Variants in PEX5 observed in about 807,000 individuals in gnomAD.
The protein encoded by PEX5 is PTS1 receptor.
PEX5 carries 52 observed loss-of-function variants against 82.9 expected under a neutral mutation model. The observed-to-expected ratio is 0.63, with a 90% CI of 0.50 to 0.79. The LOEUF (loss-of-function observed/expected upper bound fraction) is 0.79, where lower values mean the gene tolerates loss of function less well. Among genes scored for constraint, PEX5 ranks in the 30% least tolerant of loss-of-function variants. The pLI is 0.00. For missense variants in PEX5, 719 were observed against 815.2 expected (o/e 0.88, Z 1.44); for synonymous variants, 300 against 318.8 (o/e 0.94, Z 0.63).
intron 12 of PEX5, 137 bp from the exon 13 acceptor site, chr12:7,208,314 TTTATTA>T: frequency 1.3e-6 from 1 of 755,406 alleles, no homozygotes. Flanking sequence ...GATCTGTAAC[TTTATTA>T]TTAACTCATG....
rs74462009 is a variant in PEX5, at chr12:7,203,199, C to T, written c.847-233C>T. Among the ~76,000 whole-genome samples the T allele has an allele frequency of 3.3e-5, 4 of 121,458 alleles. 1 individual carries two copies. The highest frequency in any genetic ancestry group is 1.2e-4 in the African/African-American group (4 of 34,056). The allele number at this position is 121,458 out of a possible 152,430, so 79.7% of individuals were successfully genotyped here. Reference sequence around the variant, plus strand: ...CTAAACTATGCACTGCACTGCACTGCACTGCACTGCACTGCACTGCACTAC... The same window carrying T: ...CTAAACTATGCACTGCACTGCACTGTACTGCACTGCACTGCACTGCACTAC... On this transcript the variant is annotated intron_variant, in intron 9 of 15. Transcript: ENST00000675855.
intron 7 of PEX5, 191 bp downstream of exon 7, chr12:7,202,032 C>A: frequency 1.3e-6 from 1 of 796,904 alleles, no homozygotes; most frequent in Non-Finnish European, 2.1e-6. Context: ...TCCTTGCCTA[C>A]TAACTCTTTT....
intron 13 of PEX5, 129 bp from the exon 14 acceptor site, chr12:7,208,874 TGA>T: frequency 1.0e-6 from 1 of 976,690 alleles, no homozygotes. Context: ...TATTGGACTT[TGA>T]GAGTAGAAGA....
chr12:7,192,994 T>C (rs941615067), intron 5 of PEX5, among the ~76,000 whole-genome samples: 3 of 152,228 alleles, frequency 2.0e-5, no homozygotes, highest in African/African-American at 7.2e-5. Flanking sequence ...ATCACGTGTC[T>C]CTTTCCCACC....
chr12:7,215,966 T>TA (rs60225276), downstream of PEX5, among the ~76,000 whole-genome samples: 79 of 151,876 alleles, frequency 5.2e-4, no homozygotes, highest in Non-Finnish European at 8.5e-4. Context: ...TTAATTAAAT[T>TA]AAAAAAAAAT....
downstream of PEX5, among the ~76,000 whole-genome samples, chr12:7,211,696 GT>G (rs1334212300): frequency 6.6e-6 from 1 of 152,154 alleles, no homozygotes; most frequent in African/African-American, 2.4e-5. Context: ...TTTTACTCCT[GT>G]TACTACTACA....
chr12:7,210,147 G>T lies in PEX5; in HGVS notation c.1844G>T (p.Gly615Val), dbSNP rs758577763. 4 of 1,614,084 alleles carry T rather than the reference G, an allele frequency of 2.5e-6. No homozygotes were observed. The highest frequency in any genetic ancestry group is 3.4e-6 in the Non-Finnish European group (4 of 1,180,032). Residue 615 changes from glycine to valine, a missense_variant, in exon 16 of 16, where the codon GGC (glycine) becomes GTC (valine). Gly to Val is a moderately radical substitution (Grantham distance 109, BLOSUM62 -3). Transcript: ENST00000675855. ...STLRLALSML[G>V]QSDAYGAADA... ...CTGCGTTTGGCATTGTCTATGTTAG[G>T]CCAGAGCGATGCCTATGGGGCAGCC...
intron 10 of PEX5, among the ~76,000 whole-genome samples, chr12:7,206,018 A>G (rs1236438070): frequency 1.3e-5 from 2 of 152,210 alleles, no homozygotes; most frequent in Non-Finnish European, 2.9e-5. Context: ...GAGAGGCAGG[A>G]ATTACTTTTA....
At chr12:7,189,189 G>C (rs1282726936), upstream of PEX5, 1 of 152,276 alleles carries the variant, frequency 6.6e-6, no homozygotes, top group African/African-American at 2.4e-5. Context: ...GGGTTATTTG[G>C]AAGCGGGGCA....
chr12:7,209,729 A>G lies in PEX5; in HGVS notation c.1607A>G (p.Asn536Ser), dbSNP rs749417845. The G allele has an allele frequency of 3.6e-5, 53 of 1,465,650 alleles. No individual in the cohort carries two copies. The highest frequency in any genetic ancestry group is 1.8e-4 in the Middle Eastern group (1 of 5,604). 90.8% of individuals were successfully genotyped at this position (1,465,650 alleles called of 1,614,324 possible). The change falls in exon 15 of 16, where the codon AAC becomes AGC. Residue 536 changes from asparagine to serine, a missense_variant. Physicochemically the swap from Asn to Ser is conservative, Grantham distance 46. Coordinates refer to ENST00000675855, the MANE Select transcript of PEX5 (RefSeq NM_001351132.2). ...CTAGGCGCCACCCTGGCCAATGGAAACCAGAGTGAAGAAGCAGTAGCTGCG... is the reference window on the plus strand; with the variant it reads ...CTAGGCGCCACCCTGGCCAATGGAAGCCAGAGTGAAGAAGCAGTAGCTGCG... ...NKLGATLANG[N>S]QSEEAVAAYR...
intron 5 of PEX5, among the ~76,000 whole-genome samples, chr12:7,192,617 A>G (rs750661887): frequency 1.3e-5 from 2 of 152,196 alleles, no homozygotes; most frequent in Admixed American, 6.5e-5. Context: ...TAAGATATCA[A>G]GAATAACAAG....
intron 2 of PEX5, 148 bp from the exon 3 acceptor site, chr12:7,190,739 GT>G: frequency 7.6e-7 from 1 of 1,317,450 alleles, no homozygotes; most frequent in Non-Finnish European, 1.1e-6. Flanking sequence ...CTTACTGAGC[GT>G]TTATAAACAC....
chr12:7,199,978 A>AC (rs1359909809), intron 6 of PEX5, among the ~76,000 whole-genome samples: 3 of 91,250 alleles, frequency 3.3e-5, no homozygotes, highest in Non-Finnish European at 7.1e-5. Flanking sequence ...CGGGGGGCTG[A>AC]CCCCCCGCCT....
intron 14 of PEX5, 122 bp from the exon 15 acceptor site, chr12:7,209,561 T>G: frequency 3.8e-6 from 1 of 265,910 alleles, no homozygotes; most frequent in Non-Finnish European, 6.0e-6. Flanking sequence ...ACGAAACATG[T>G]TAGCTAACAG....
chr12:7,211,968 T>G (rs1251371350), downstream of PEX5, among the ~76,000 whole-genome samples: 3 of 96,042 alleles, frequency 3.1e-5, no homozygotes, highest in East Asian at 2.4e-4. Context: ...TTTTTTTTTT[T>G]GTTTTTTTTT....
downstream of PEX5, among the ~76,000 whole-genome samples, chr12:7,211,965 T>G (rs1945611048): frequency 4.3e-5 from 4 of 94,002 alleles, no homozygotes; most frequent in Admixed American, 2.8e-4. Context: ...ATTTTTTTTT[T>G]TTTGTTTTTT....
intron 6 of PEX5, 30 bp from the exon 7 acceptor site, chr12:7,201,721 A>C (rs202237023): frequency 6.8e-7 from 1 of 1,472,880 alleles, no homozygotes; most frequent in East Asian, 2.3e-5. Context: ...TGGCAGACTA[A>C]TGTGTAAAAT....
intron 17 of PEX5, among the ~76,000 whole-genome samples, chr12:7,217,228 A>AT (rs1945804941): frequency 6.6e-6 from 1 of 152,254 alleles, no homozygotes; most frequent in Admixed American, 6.5e-5. Context: ...CATTTAAAGC[A>AT]TTCAGAGTTT....
downstream of PEX5, among the ~76,000 whole-genome samples, chr12:7,214,551 C>T (rs1945722370): frequency 8.6e-6 from 1 of 116,544 alleles, no homozygotes; most frequent in Admixed American, 1.2e-4. Context: ...GAACATCACA[C>T]TCTGGGGACT....
Sources: gnomAD v4.1 joint callset for allele counts (sites outside exome capture counted in the v4.1 genomes callset) on GRCh38, gnomAD v4.1.1 for gene constraint, MANE v1.5 for transcripts, NCBI Gene and HGNC (gene_info 2026-07-23, HGNC 2026-07-21) for gene names.